XYLT1: variants seen among roughly 807,000 people sequenced by gnomAD.
XYLT1 encodes beta-D-xylosyltransferase 1.
In XYLT1, 36 loss-of-function variants were observed where a neutral mutation model predicts 91.3. The observed-to-expected ratio is 0.39, with a 90% CI of 0.30 to 0.52. The LOEUF is 0.52. Ranked by LOEUF, XYLT1 falls within the 20% of genes least tolerant of loss-of-function variation. The pLI, the probability that XYLT1 is intolerant of heterozygous loss-of-function variation, is 0.68. For synonymous variants in XYLT1, 588 were observed against 532.0 expected, an observed-to-expected ratio of 1.11 and a Z score of -1.45; for missense variants, 1,242 against 1,284.5, an observed-to-expected ratio of 0.97 and a Z score of 0.51.
chr16:17,154,451 G>A (rs1182384017), intron 6 of XYLT1, among the ~76,000 whole-genome samples: 2 of 152,176 alleles, frequency 1.3e-5, no homozygotes, highest in Admixed American at 1.3e-4. Context: ...CCCACACACT[G>A]AGACTTGAAC....
chr16:17,465,616 T>C (rs915328021), intron 1 of XYLT1, among the ~76,000 whole-genome samples: 11 of 150,274 alleles, frequency 7.3e-5, no homozygotes, highest in Non-Finnish European at 1.5e-4. Flanking sequence ...AAATGACACC[T>C]GACATACAGC....
intron 5 of XYLT1, among the ~76,000 whole-genome samples, chr16:17,171,303 G>A (rs2031814617): frequency 6.6e-6 from 1 of 152,210 alleles, no homozygotes; most frequent in Non-Finnish European, 1.5e-5. Context: ...CCCAAGGTGA[G>A]ATTGAGCTTG....
Position 17,104,604 on chromosome 16 carries a change from G to A in XYLT1, c.*4091C>T, listed in dbSNP as rs915253079. 7.9e-5 allele frequency: 12 copies of A among 152,096 alleles called. No individual in the cohort carries two copies. The highest frequency in any genetic ancestry group is 2.2e-4 in the African/African-American group (9 of 41,410). The allele number at this position is 152,096 out of a possible 1,614,324, so 9.4% of individuals were successfully genotyped here. ...AGCAGAGGTTGCTGGCAGTGTACAC[G>A]TGGAACAGTGGAATTTTTCTTTGCC... On this transcript the variant is annotated 3_prime_UTR_variant, in exon 12 of 12. Coordinates refer to ENST00000261381, the MANE Select transcript of XYLT1 (RefSeq NM_022166.4).
chr16:17,123,963 T>G (rs1434108807), intron 10 of XYLT1, among the ~76,000 whole-genome samples: 1 of 152,220 alleles, frequency 6.6e-6, no homozygotes, highest in East Asian at 1.9e-4. Flanking sequence ...TCCTGCTCAC[T>G]TTTGGTGTCC....
chr16:17,301,574 G>T (rs1567363977), intron 2 of XYLT1, among the ~76,000 whole-genome samples: 1 of 152,140 alleles, frequency 6.6e-6, no homozygotes. Context: ...AGAAAGTAAT[G>T]CTTGAGTAAT....
chr16:17,131,276 A>C (rs2030462458), intron 9 of XYLT1, among the ~76,000 whole-genome samples: 1 of 152,226 alleles, frequency 6.6e-6, no homozygotes, highest in African/African-American at 2.4e-5. Context: ...TTGGTATCTA[A>C]GTAATGAAAA....
intron 2 of XYLT1, among the ~76,000 whole-genome samples, chr16:17,328,384 T>A (rs1237383163): frequency 6.6e-6 from 1 of 151,276 alleles, no homozygotes; most frequent in South Asian, 2.1e-4. Context: ...CCGTCTCTAC[T>A]AAAAATACAA....
intron 1 of XYLT1, among the ~76,000 whole-genome samples, chr16:17,369,888 C>G (rs759037493): frequency 2.0e-5 from 3 of 152,208 alleles, no homozygotes; most frequent in Non-Finnish European, 4.4e-5. Context: ...GAAGGAAGTG[C>G]TCTCATCACC....
intron 1 of XYLT1, among the ~76,000 whole-genome samples, chr16:17,380,063 G>A (rs751011632): frequency 6.6e-6 from 1 of 152,100 alleles, no homozygotes; most frequent in Non-Finnish European, 1.5e-5. Flanking sequence ...CAAGGCAGGC[G>A]GATCACTTGA....
intron 3 of XYLT1, among the ~76,000 whole-genome samples, chr16:17,246,257 T>C (rs1384900920): frequency 2.0e-5 from 3 of 152,242 alleles, no homozygotes; most frequent in Admixed American, 2.0e-4. Flanking sequence ...GGATAGCCCT[T>C]GGCATTTAAC....
chr16:17,405,649 G>A (rs544465439), intron 1 of XYLT1, among the ~76,000 whole-genome samples: 5 of 152,312 alleles, frequency 3.3e-5, no homozygotes, highest in East Asian at 1.9e-4. Context: ...TGGTGCCCTC[G>A]TGAGCTGGGA....
chr16:17,435,567 T>C (rs1020069498), intron 1 of XYLT1, among the ~76,000 whole-genome samples: 1 of 151,954 alleles, frequency 6.6e-6, no homozygotes, highest in Non-Finnish European at 1.5e-5. Context: ...TTTGGTTACA[T>C]CTAAGTTGGG....
At chr16:17,134,800 A>G in intron 8 of XYLT1, 65 bp from the exon 9 acceptor site, 1 of 1,583,936 alleles carries the variant, frequency 6.3e-7, no homozygotes, top group Non-Finnish European at 8.6e-7. Flanking sequence ...GGGGGAACCT[A>G]AGGGCATATC....
intron 5 of XYLT1, among the ~76,000 whole-genome samples, chr16:17,159,997 G>A (rs1402668492): frequency 6.6e-6 from 1 of 152,184 alleles, no homozygotes; most frequent in Non-Finnish European, 1.5e-5. Context: ...CAAATGGGAG[G>A]AACAGAGAAG....
rs150539911 is a variant in XYLT1 at position 17,242,722 on chromosome 16, C to A, written c.913+16266G>T. Among the ~76,000 whole-genome samples the A allele has an allele frequency of 1.8e-3, 273 of 152,330 alleles. 1 individual carries two copies. The highest frequency in any genetic ancestry group is 6.2e-3 in the African/African-American group (256 of 41,576). ...GTGCAACCAATCTCCACAACTTTTT[C>A]ATTTTGCAGAATTGAAATTCTACGG... On this transcript the variant is annotated intron_variant, in intron 3 of 11. Transcript: ENST00000261381.
At chr16:17,326,965 A>T (rs1290899427) in intron 2 of XYLT1, among the ~76,000 whole-genome samples, 1 of 152,256 alleles carries the variant, frequency 6.6e-6, no homozygotes, top group Non-Finnish European at 1.5e-5. Flanking sequence ...GTGTGACTGC[A>T]CAGGCCGCAT....
intron 5 of XYLT1, among the ~76,000 whole-genome samples, chr16:17,195,784 A>G (rs1200732166): frequency 5.9e-5 from 9 of 152,102 alleles, no homozygotes; most frequent in African/African-American, 2.2e-4. Context: ...ACCTTGCATG[A>G]TGTATCTTTG....
In XYLT1 at chr16:17,310,626, G is replaced by A. The variant is rs1263506781; in HGVS notation, c.402+47386C>T. ...AGCACTTTGGGAGGCCAGGGCAGGTGGATCATGAGGTCATGAGTTCAAGAC... is the reference window on the plus strand; with the variant it reads ...AGCACTTTGGGAGGCCAGGGCAGGTAGATCATGAGGTCATGAGTTCAAGAC... On this transcript the variant is annotated intron_variant, in intron 2 of 11. Coordinates refer to ENST00000261381, the MANE Select transcript of XYLT1 (RefSeq NM_022166.4). Among the ~76,000 whole-genome samples the A allele has an allele frequency of 2.6e-5, 4 of 152,164 alleles. No individual in the cohort carries two copies. In the East Asian group the frequency reaches 7.7e-4, roughly 29 times the overall value.
chr16:17,177,474 T>C (rs2031971161), intron 5 of XYLT1, among the ~76,000 whole-genome samples: 1 of 152,164 alleles, frequency 6.6e-6, no homozygotes, highest in South Asian at 2.1e-4. Context: ...TGTATATTCC[T>C]CAAAGGCAGC....
Sources: gnomAD v4.1 joint callset for allele counts (sites outside exome capture counted in the v4.1 genomes callset) on GRCh38, gnomAD v4.1.1 for gene constraint, MANE v1.5 for transcripts, NCBI Gene and HGNC (gene_info 2026-07-23, HGNC 2026-07-21) for gene names.